CSMD3: variants seen among roughly 807,000 people sequenced by gnomAD.
CSMD3 encodes the protein CUB and sushi domain-containing protein 3.
CSMD3 carries 177 observed loss-of-function variants against 435.2 expected under a neutral mutation model. The ratio of observed to expected loss-of-function variants is 0.41; its 90% confidence interval spans 0.36 to 0.46. The LOEUF (loss-of-function observed/expected upper bound fraction) is 0.46, where lower values mean the gene tolerates loss of function less well. Among genes scored for constraint, CSMD3 ranks in the 20% least tolerant of loss-of-function variants. CSMD3 has a pLI of 0.34. For missense variants in CSMD3, 4,265 were observed against 4,504.6 expected (o/e 0.95, Z 1.52); for synonymous variants, 1,656 against 1,520.5 (o/e 1.09, Z -2.07).
At chr8:113,136,036 T>C (rs1431911880) in intron 4 of CSMD3, among the ~76,000 whole-genome samples, 2 of 151,752 alleles carry the variant, frequency 1.3e-5, no homozygotes, top group Non-Finnish European at 2.9e-5. Flanking sequence ...AATATAGAAA[T>C]TGAGAAACTT....
chr8:112,335,032 G>C (rs2130944166), intron 45 of CSMD3, among the ~76,000 whole-genome samples: 1 of 152,258 alleles, frequency 6.6e-6, no homozygotes, highest in East Asian at 1.9e-4. Flanking sequence ...ATGCACTAGA[G>C]TATGAACAGC....
chr8:112,918,111 CA>C (rs1313047972), intron 10 of CSMD3, among the ~76,000 whole-genome samples: 1 of 151,698 alleles, frequency 6.6e-6, no homozygotes, highest in Non-Finnish European at 1.5e-5. Flanking sequence ...TAAATCAATA[CA>C]AAATAATAAA....
chr8:112,759,699 ATTGATT>A (rs1563933320), intron 13 of CSMD3, among the ~76,000 whole-genome samples: 1 of 152,106 alleles, frequency 6.6e-6, no homozygotes, highest in Non-Finnish European at 1.5e-5. Context: ...GAAACTATAA[ATTGATT>A]TTATTTTCAA....
intron 13 of CSMD3, among the ~76,000 whole-genome samples, chr8:112,732,559 C>T (rs1017140668): frequency 7.3e-5 from 11 of 151,588 alleles, no homozygotes; most frequent in African/African-American, 2.2e-4. Context: ...GGCGAAACCT[C>T]GTCTCTACTA....
chr8:112,517,471 A>G (rs1823797646), intron 27 of CSMD3, among the ~76,000 whole-genome samples: 1 of 152,190 alleles, frequency 6.6e-6, no homozygotes, highest in African/African-American at 2.4e-5. Flanking sequence ...GACACTGAAG[A>G]TTATGAAAAG....
At chr8:113,407,657 T>C (rs2129725804) in intron 1 of CSMD3, among the ~76,000 whole-genome samples, 1 of 152,122 alleles carries the variant, frequency 6.6e-6, no homozygotes, top group East Asian at 1.9e-4. Flanking sequence ...ACATTTCCAC[T>C]GTGGAAATAT....
At chr8:112,227,247 T>C (rs1040504137) in intron 70 of CSMD3, among the ~76,000 whole-genome samples, 3 of 152,184 alleles carry the variant, frequency 2.0e-5, no homozygotes, top group African/African-American at 4.8e-5. Flanking sequence ...GAGAATGAAG[T>C]ACTGATGCAT....
intron 45 of CSMD3, among the ~76,000 whole-genome samples, chr8:112,324,977 T>C (rs1823356759): frequency 1.3e-5 from 2 of 152,262 alleles, no homozygotes; most frequent in African/African-American, 2.4e-5. Context: ...GTCTTGATTA[T>C]GACCTCCAAG....
At chr8:113,086,255 A>C (rs2089774668) in intron 5 of CSMD3, among the ~76,000 whole-genome samples, 1 of 152,046 alleles carries the variant, frequency 6.6e-6, no homozygotes, top group Non-Finnish European at 1.5e-5. Context: ...TCAAAAAAAA[A>C]AAAAAAGAGC....
chr8:112,408,476 T>C (rs768754412), intron 33 of CSMD3, 63 bp from the exon 34 acceptor site: 9 of 988,918 alleles, frequency 9.1e-6, no homozygotes, highest in African/African-American at 8.0e-5. Context: ...CCTAACAAAT[T>C]ATATTATAAT....
intron 2 of CSMD3, among the ~76,000 whole-genome samples, chr8:113,302,300 A>ATATAATAT (rs1554603163): frequency 3.7e-5 from 5 of 135,780 alleles, no homozygotes; most frequent in East Asian, 2.1e-4. Flanking sequence ...ATATAATATA[A>ATATAATAT]TATATATATT....
intron 22 of CSMD3, among the ~76,000 whole-genome samples, chr8:112,602,823 G>C (rs1832473636): frequency 6.6e-6 from 1 of 151,950 alleles, no homozygotes; most frequent in Admixed American, 6.6e-5. Context: ...TTATGTTATT[G>C]GCTTCCAAGA....
chr8:112,498,283 A>T (rs1164866561), intron 30 of CSMD3, among the ~76,000 whole-genome samples: 1 of 152,124 alleles, frequency 6.6e-6, no homozygotes, highest in Non-Finnish European at 1.5e-5. Flanking sequence ...CTAATCATTG[A>T]ATCTAGAGTA....
intron 3 of CSMD3, among the ~76,000 whole-genome samples, chr8:113,245,495 T>A (rs1229555502): frequency 6.6e-6 from 1 of 152,036 alleles, no homozygotes; most frequent in South Asian, 2.1e-4. Context: ...TAATACCAAT[T>A]TATTTTCAGT....
At chr8:113,283,557 G>A (rs116865016) in intron 2 of CSMD3, among the ~76,000 whole-genome samples, 5,549 of 151,986 alleles carry the variant, frequency 0.037, 129 homozygotes, top group Non-Finnish European at 0.05. Context: ...AAGAATGGCC[G>A]TAATCAAAAA....
Position 112,223,228 on chromosome 8 carries a change from A to T in CSMD3, c.*1543T>A. 2.6e-6 allele frequency: 1 copy of T among 390,554 alleles called. No homozygotes were observed. The highest frequency in any genetic ancestry group is 3.6e-5 in the East Asian group (1 of 27,718). The allele number at this position is 390,554 out of a possible 1,614,324, so 24.2% of individuals were successfully genotyped here. On this transcript the variant is annotated 3_prime_UTR_variant, in exon 71 of 71. Transcript: ENST00000297405. ...TAGAGTACCATGTTGAGAAAATTGT[A>T]TGAATTTCCAAAACAATGTATCTCA...
intron 12 of CSMD3, among the ~76,000 whole-genome samples, chr8:112,814,787 A>C (rs2079327068): frequency 1.3e-5 from 2 of 152,016 alleles, no homozygotes; most frequent in Admixed American, 6.6e-5. Flanking sequence ...ATCTCAAAAA[A>C]AAAAAAAAAT....
intron 58 of CSMD3, among the ~76,000 whole-genome samples, chr8:112,284,731 A>C (rs1367186694): frequency 6.6e-6 from 1 of 151,968 alleles, no homozygotes; most frequent in East Asian, 1.9e-4. Flanking sequence ...CTTGGAAAAC[A>C]TTCCACAAAA....
Position 112,682,574 on chromosome 8 carries a change from T to A in CSMD3, c.2545A>T (p.Asn849Tyr). The stretch of plus-strand genomic sequence containing the variant: ...GAAATTGAACTTCCTAATTGAAAGT[T>A]GTCCCCAAACCGCCGTGCATTGATT... The part of the protein sequence containing the change: ...IPINARRFGD[N>Y]FQLGSSISVI... The change falls in exon 16 of 71, where the codon AAC (asparagine) becomes TAC (tyrosine). Residue 849 changes from asparagine to tyrosine, a missense_variant. Transcript: ENST00000297405. 1 of 1,613,862 alleles carries A rather than the reference T, an allele frequency of 6.2e-7. No homozygotes were observed. The highest frequency in any genetic ancestry group is 8.5e-7 in the Non-Finnish European group (1 of 1,179,782).
Sources: gnomAD v4.1 joint callset for allele counts (sites outside exome capture counted in the v4.1 genomes callset) on GRCh38, gnomAD v4.1.1 for gene constraint, MANE v1.5 for transcripts, NCBI Gene and HGNC (gene_info 2026-07-23, HGNC 2026-07-21) for gene names.